UBE2F: variants seen among roughly 807,000 people sequenced by gnomAD.
UBE2F encodes ubiquitin conjugating enzyme E2 F (putative).
A neutral mutation model predicts 29.6 loss-of-function variants in UBE2F; 5 were observed. The ratio of observed to expected loss-of-function variants is 0.17; its 90% CI spans 0.09 to 0.36. UBE2F has a LOEUF of 0.36. Among genes scored for constraint, UBE2F ranks in the 10% least tolerant of loss-of-function variants. UBE2F has a pLI of 1.00. For synonymous variants in UBE2F, 66 were observed against 81.8 expected (o/e 0.81, Z 1.04); for missense variants, 141 against 228.5 (o/e 0.62, Z 2.47).
chr2:238,034,264 T>TA lies in UBE2F; in HGVS notation c.445-1600dup, dbSNP rs1338062655. Among the ~76,000 whole-genome samples, 1,351 of 141,068 alleles carry TA rather than the reference T, an allele frequency of 9.6e-3. 15 individuals carry two copies. The highest frequency in any genetic ancestry group is 0.032 in the African/African-American group (1,222 of 38,438). The allele number at this position is 141,068 out of a possible 152,430, so 92.5% of individuals were successfully genotyped here. A position where few individuals can be genotyped will look rare whatever the true frequency, so the allele number is the denominator to read the frequency against. ...CAATATGGTGAAATCTCACCTCTACTAAAAAAAAAAAAAATTAGCCAGGCG... is the reference window on the plus strand; with the variant it reads ...CAATATGGTGAAATCTCACCTCTACTAAAAAAAAAAAAAAATTAGCCAGGCG... On this transcript the variant is annotated intron_variant, in intron 8 of 9. Coordinates refer to ENST00000272930, the MANE Select transcript of UBE2F (RefSeq NM_080678.3).
intron 4 of UBE2F, among the ~76,000 whole-genome samples, chr2:238,001,617 ACCATCCTT>A (rs2063795296): frequency 6.6e-6 from 1 of 152,028 alleles, no homozygotes; most frequent in Admixed American, 6.6e-5. Flanking sequence ...GGAGATCGAG[ACCATCCTT>A]GCTAACATGG....
intron 4 of UBE2F, among the ~76,000 whole-genome samples, chr2:238,006,792 G>A (rs930440684): frequency 1.1e-5 from 1 of 89,660 alleles, no homozygotes; most frequent in African/African-American, 4.5e-5. Flanking sequence ...TTTCCTTCTT[G>A]TTTCCCAGGC....
At chr2:237,995,342 G>A (rs2063669593) in intron 4 of UBE2F, among the ~76,000 whole-genome samples, 1 of 152,204 alleles carries the variant, frequency 6.6e-6, no homozygotes, top group Admixed American at 6.5e-5. Flanking sequence ...TCCCTAAGCT[G>A]CCCCAGCATG....
chr2:238,001,937 T>C (rs1436484062), intron 4 of UBE2F, among the ~76,000 whole-genome samples: 1 of 152,238 alleles, frequency 6.6e-6, no homozygotes, highest in Non-Finnish European at 1.5e-5. Flanking sequence ...ATAATAAACG[T>C]GCAGCTTACA....
intron 8 of UBE2F, chr2:238,032,688 T>A (rs145142815): frequency 0.014 from 2,193 of 156,932 alleles, 46 homozygotes; most frequent in African/African-American, 0.05. Flanking sequence ...TCCTAGCACG[T>A]TGGGAGACTG....
rs559142390 is a variant in UBE2F at position 238,042,079 on chromosome 2, A to G, written c.*741A>G. 2.6e-5 allele frequency: 4 copies of G among 152,620 alleles called. No homozygotes were observed. Among genetic ancestry groups the G allele is most frequent in the African/African-American group, 9.6e-5 (4 of 41,578 alleles). 9.5% of individuals were successfully genotyped at this position (152,620 alleles called of 1,614,324 possible). A position where few individuals can be genotyped will look rare whatever the true frequency, so the allele number is the denominator to read the frequency against. On this transcript the variant is annotated 3_prime_UTR_variant, in exon 10 of 10. Transcript: ENST00000272930. ...ACATTATTCATTTTGTCCAAATGCA[A>G]TGAGAATCTCACTCTTAAAAATCAG... is the stretch of plus-strand genomic sequence containing the variant.
chr2:238,014,449 A>G (rs1274522668), intron 4 of UBE2F, among the ~76,000 whole-genome samples: 1 of 152,244 alleles, frequency 6.6e-6, no homozygotes, highest in Non-Finnish European at 1.5e-5. Flanking sequence ...AGCAGAGGGA[A>G]TAAGGTGAAG....
At chr2:238,018,217 G>C (rs2064207283) in intron 5 of UBE2F, among the ~76,000 whole-genome samples, 1 of 152,154 alleles carries the variant, frequency 6.6e-6, no homozygotes, top group Admixed American at 6.5e-5. Context: ...CAGATGTTTA[G>C]AATTTGGGGA....
In UBE2F at chr2:238,040,625, G is replaced by C. The variant is rs2064818110; in HGVS notation, c.508-663G>C. ...TTTACTCCTAACCTTGGGGAGACCAGATCCAGGGACAAACCTGACAGTGGC... is the reference window on the plus strand; with the variant it reads ...TTTACTCCTAACCTTGGGGAGACCACATCCAGGGACAAACCTGACAGTGGC... On this transcript the variant is annotated intron_variant, in intron 9 of 9. Transcript: ENST00000272930. The surrounding 1 kb of genome is among the most constrained non-coding windows in gnomAD (Gnocchi z 4.4). 6.6e-6 allele frequency among the ~76,000 whole-genome samples: 1 copy of C among 152,180 alleles called. No homozygotes were observed. Among genetic ancestry groups the C allele is most frequent in the African/African-American group, 2.4e-5 (1 of 41,438 alleles).
At position 237,973,124 on chromosome 2, in the gene UBE2F, G is replaced by A. The variant is rs1264869515; in HGVS notation, c.17G>A (p.Ser6Asn). The A allele has an allele frequency of 6.2e-7, 1 of 1,613,256 alleles. No homozygotes were observed. Among genetic ancestry groups the A allele is most frequent in the South Asian group, 1.1e-5 (1 of 91,062 alleles). ...GCAGCAGTAATGCTAACGCTAGCAA[G>A]TAAACTGAAGCGTGACGATGGTCTC... The part of the protein sequence containing the change: MLTLA[S>N]KLKRDDGLKG... The change falls in exon 2 of 10, where the codon AGT (serine) becomes AAT (asparagine). Residue 6 changes from serine (S) to asparagine (N), a missense_variant. Physicochemically the swap from Ser to Asn is conservative, Grantham distance 46 (BLOSUM62 1). Coordinates refer to ENST00000272930, the MANE Select transcript of UBE2F (RefSeq NM_080678.3).
rs564983188 is a variant in UBE2F at position 237,967,384 on chromosome 2, C to T, written c.-17+252C>T. Among the ~76,000 whole-genome samples, 2,973 of 149,906 alleles carry T rather than the reference C, an allele frequency of 0.02. 96 individuals are homozygous for T. The highest frequency in any genetic ancestry group is 0.069 in the African/African-American group (2,838 of 41,236). On this transcript the variant is annotated intron_variant, in intron 1 of 9. Coordinates refer to ENST00000272930, the MANE Select transcript of UBE2F (RefSeq NM_080678.3). This position sits in a 1 kb window ranked among gnomAD's most constrained non-coding sequence, Gnocchi z 6.3. Reference sequence around the variant, plus strand: ...GTCGGCGGCCGGGGCGCTGGCCTCGCCCGGCAGTGAGTGACCGCGGCGGCG... The same window carrying T: ...GTCGGCGGCCGGGGCGCTGGCCTCGTCCGGCAGTGAGTGACCGCGGCGGCG...
intron 5 of UBE2F, among the ~76,000 whole-genome samples, chr2:238,020,284 T>C (rs2064262328): frequency 6.6e-6 from 1 of 152,140 alleles, no homozygotes; most frequent in Non-Finnish European, 1.5e-5. Context: ...GTTGCCCCTC[T>C]CTCTGCCCCC....
At chr2:237,971,354 C>T (rs1193331689) in intron 1 of UBE2F, among the ~76,000 whole-genome samples, 2 of 152,120 alleles carry the variant, frequency 1.3e-5, no homozygotes, top group African/African-American at 4.8e-5. Context: ...TTTTGAGTCT[C>T]ACTCTGTTGC....
At chr2:238,015,365 G>A (rs1184744031) in intron 4 of UBE2F, among the ~76,000 whole-genome samples, 2 of 152,136 alleles carry the variant, frequency 1.3e-5, no homozygotes, top group Non-Finnish European at 2.9e-5. Context: ...TAAAAGGAGA[G>A]TTTCAGAACA....
rs552252207 is a variant in UBE2F at position 238,024,911 on chromosome 2, A to G, written c.283-431A>G. On this transcript the variant is annotated intron_variant, in intron 5 of 9. Coordinates refer to ENST00000272930, the MANE Select transcript of UBE2F (RefSeq NM_080678.3). The stretch of plus-strand genomic sequence containing the variant: ...TTGCAAGGAGCAGTAACTTTCAGCC[A>G]TAGTAACTTGTATTGCAAAGGAATC... Among the ~76,000 whole-genome samples, 3 of 152,354 alleles carry G rather than the reference A, an allele frequency of 2.0e-5. No individual in the cohort carries two copies. In the East Asian group the frequency reaches 5.8e-4, roughly 29 times the overall value.
intron 2 of UBE2F, among the ~76,000 whole-genome samples, chr2:237,975,066 C>T (rs189554038): frequency 6.6e-6 from 1 of 152,188 alleles, no homozygotes; most frequent in East Asian, 1.9e-4. Flanking sequence ...GCCACTGTGC[C>T]TGGCCTTACT....
intron 2 of UBE2F, among the ~76,000 whole-genome samples, chr2:237,984,023 C>T (rs1242824272): frequency 6.6e-6 from 1 of 151,994 alleles, no homozygotes; most frequent in Non-Finnish European, 1.5e-5. Flanking sequence ...TTCTCCTCTT[C>T]TTCCCCCTCC....
intron 3 of UBE2F, among the ~76,000 whole-genome samples, chr2:237,991,561 ATTT>A (rs200050609): frequency 7.5e-6 from 1 of 132,458 alleles, no homozygotes. Context: ...AACCTGTTAA[ATTT>A]TTTTTTTTTT....
chr2:237,972,508 G>A (rs2063194301), intron 1 of UBE2F, among the ~76,000 whole-genome samples: 4 of 151,248 alleles, frequency 2.6e-5, no homozygotes, highest in Admixed American at 6.6e-5. Context: ...GGCACCCAGT[G>A]AGTGTGAAAT....
Sources: gnomAD v4.1 joint callset for allele counts (sites outside exome capture counted in the v4.1 genomes callset) on GRCh38, gnomAD v4.1.1 for gene constraint, Gnocchi (gnomAD v3.1) non-coding constraint, MANE v1.5 for transcripts, NCBI Gene and HGNC (gene_info 2026-07-23, HGNC 2026-07-21) for gene names.